Variants in PRSS12 observed in about 807,000 individuals in gnomAD.
PRSS12 encodes the protein serine protease 12.
Under a neutral mutation model 104.4 loss-of-function variants are expected in PRSS12, and 85 were observed. The observed-to-expected ratio is 0.81, with a 90% CI of 0.68 to 0.98. PRSS12 has a LOEUF of 0.98. PRSS12 is among the 50% of genes least tolerant of loss of function. The pLI, the probability that PRSS12 is intolerant of heterozygous loss-of-function variation, is 0.00. For synonymous variants in PRSS12, 454 were observed against 425.2 expected (o/e 1.07, Z -0.83); for missense variants, 1,141 against 1,139.2 (o/e 1.00, Z -0.02).
At chr4:118,332,952 G>A (rs1157914050) in intron 3 of PRSS12, among the ~76,000 whole-genome samples, 5 of 152,272 alleles carry the variant, frequency 3.3e-5, no homozygotes, top group South Asian at 4.1e-4. Flanking sequence ...GCCTAAGGGC[G>A]TCGATAAAAG....
chr4:118,305,164 A>T (rs947638201), intron 8 of PRSS12, among the ~76,000 whole-genome samples: 1 of 150,960 alleles, frequency 6.6e-6, no homozygotes, highest in Non-Finnish European at 1.5e-5. Flanking sequence ...AAATATACAT[A>T]TATGTTCTTA....
intron 8 of PRSS12, among the ~76,000 whole-genome samples, chr4:118,301,572 T>C (rs573955723): frequency 6.6e-6 from 1 of 152,344 alleles, no homozygotes; most frequent in Non-Finnish European, 1.5e-5. Context: ...ATTTAATGTA[T>C]AAATTTATTT....
intron 4 of PRSS12, among the ~76,000 whole-genome samples, chr4:118,321,504 T>G (rs2126036797): frequency 6.6e-6 from 1 of 152,254 alleles, no homozygotes; most frequent in Non-Finnish European, 1.5e-5. Context: ...CCTTCCAGGC[T>G]TAGGATGCAA....
intron 4 of PRSS12, among the ~76,000 whole-genome samples, chr4:118,319,161 G>GCAATC (rs1184003475): frequency 6.6e-6 from 1 of 152,128 alleles, no homozygotes; most frequent in Non-Finnish European, 1.5e-5. Flanking sequence ...CTAGGCTTGA[G>GCAATC]CAATCCTCTC....
chr4:118,308,574 A>G lies in PRSS12; in HGVS notation c.1493T>C (p.Phe498Ser), dbSNP rs759607365. The G allele has an allele frequency of 6.2e-7, 1 of 1,613,970 alleles. No individual in the cohort carries two copies. Among genetic ancestry groups the G allele is most frequent in the South Asian group, 1.1e-5 (1 of 91,084 alleles). ...GGEGHRLSLG[F>S]PVRLMDGENK... The stretch of plus-strand genomic sequence containing the variant: ...TTCTCCATCCATCAGTCTGACAGGA[A>G]AACCTAAGTCATGATTCAAAAGTAT... The change falls in exon 8 of 13, where the codon TTT becomes TCT. Residue 498 changes from phenylalanine to serine, a missense_variant. Phe to Ser is a radical substitution (Grantham distance 155). Coordinates refer to ENST00000296498, the MANE Select transcript of PRSS12 (RefSeq NM_003619.4).
intron 1 of PRSS12, among the ~76,000 whole-genome samples, chr4:118,350,173 C>G (rs1015845899): frequency 6.6e-5 from 10 of 152,188 alleles, no homozygotes; most frequent in African/African-American, 2.4e-4. Flanking sequence ...AATTAATTTA[C>G]TCAAAACTTG....
chr4:118,301,578 T>C (rs963773865), intron 8 of PRSS12, among the ~76,000 whole-genome samples: 5 of 152,328 alleles, frequency 3.3e-5, no homozygotes, highest in African/African-American at 1.2e-4. Flanking sequence ...TGTATAAATT[T>C]ATTTCTATTT....
intron 11 of PRSS12, among the ~76,000 whole-genome samples, chr4:118,291,448 GTCC>G (rs1419256435): frequency 5.9e-5 from 9 of 152,090 alleles, no homozygotes; most frequent in Non-Finnish European, 1.3e-4. Flanking sequence ...TCTTTGAACT[GTCC>G]TCGTGTCAAA....
chr4:118,325,246 G>C (rs960503522), intron 4 of PRSS12, among the ~76,000 whole-genome samples: 2 of 151,106 alleles, frequency 1.3e-5, no homozygotes, highest in Non-Finnish European at 1.5e-5. Flanking sequence ...TGCGGGATGA[G>C]AGACGTAGGT....
intron 1 of PRSS12, among the ~76,000 whole-genome samples, chr4:118,344,694 G>A (rs1724311317): frequency 6.6e-6 from 1 of 152,148 alleles, no homozygotes; most frequent in Non-Finnish European, 1.5e-5. Context: ...AGTTCAAAAT[G>A]AGAGTGCATC....
intron 3 of PRSS12, among the ~76,000 whole-genome samples, chr4:118,334,849 C>T (rs1724021485): frequency 6.6e-6 from 1 of 152,164 alleles, no homozygotes; most frequent in Non-Finnish European, 1.5e-5. Context: ...CATTAAAATA[C>T]ACCATGGTAC....
intron 8 of PRSS12, among the ~76,000 whole-genome samples, chr4:118,300,134 C>T (rs1019079774): frequency 5.3e-5 from 8 of 152,040 alleles, no homozygotes; most frequent in African/African-American, 1.7e-4. Context: ...CCTCATCCCC[C>T]CAAGTAGCTG....
rs1724560170 is a variant in PRSS12 at position 118,352,797 on chromosome 4, C to T, written c.-77G>A. 1 of 1,559,424 alleles carries T rather than the reference C, an allele frequency of 6.4e-7. No individual in the cohort carries two copies. Among genetic ancestry groups the T allele is most frequent in the African/African-American group, 1.4e-5 (1 of 73,122 alleles). On this transcript the variant is annotated 5_prime_UTR_variant, in exon 1 of 13. Coordinates refer to ENST00000296498, the MANE Select transcript of PRSS12 (RefSeq NM_003619.4). ...AGCGGAGAAGAGGAGGGGGCGGGGGCGGGGCTGCCGCGTCCCTCGAATCCC... is the reference window on the plus strand; with the variant it reads ...AGCGGAGAAGAGGAGGGGGCGGGGGTGGGGCTGCCGCGTCCCTCGAATCCC...
At chr4:118,343,035 G>C (rs1435208738) in intron 1 of PRSS12, among the ~76,000 whole-genome samples, 1 of 152,102 alleles carries the variant, frequency 6.6e-6, no homozygotes, top group Non-Finnish European at 1.5e-5. Flanking sequence ...AGGTAAACTA[G>C]AGAACAGCAG....
chr4:118,301,777 C>A (rs1248383894), intron 8 of PRSS12, among the ~76,000 whole-genome samples: 1 of 152,120 alleles, frequency 6.6e-6, no homozygotes, highest in African/African-American at 2.4e-5. Flanking sequence ...CACAGGCAGA[C>A]GATTGCCTTT....
chr4:118,313,387 G>C lies in PRSS12; in HGVS notation c.1303C>G (p.Gln435Glu), dbSNP rs1743810704. ...TCTTCAAAATGGTTGGCAGATGCTT[G>C]TTTACCATATCTGTGACAATTGAAT... is the stretch of plus-strand genomic sequence containing the variant. ...CRQLGFKYGK[Q>E]ASANHFEEST... The change falls in exon 7 of 13, where the codon CAA becomes GAA. Residue 435 changes from glutamine to glutamate, a missense_variant. Transcript: ENST00000296498. The C allele has an allele frequency of 6.2e-7, 1 of 1,613,982 alleles. No individual in the cohort carries two copies. The highest frequency in any genetic ancestry group is 1.3e-5 in the African/African-American group (1 of 75,016).
chr4:118,286,141 A>G (rs968443414), intron 11 of PRSS12, among the ~76,000 whole-genome samples: 1 of 152,140 alleles, frequency 6.6e-6, no homozygotes, highest in Non-Finnish European at 1.5e-5. Flanking sequence ...AAATTTTTCA[A>G]CCCATCCCTC....
chr4:118,342,076 A>G (rs1282997932), intron 1 of PRSS12, among the ~76,000 whole-genome samples: 1 of 152,174 alleles, frequency 6.6e-6, no homozygotes, highest in Non-Finnish European at 1.5e-5. Flanking sequence ...CAAATCCTCC[A>G]GTAGAAGCTG....
In PRSS12 at chr4:118,299,789, T is replaced by TA. The variant is rs1282867576; in HGVS notation, c.1632-852dup. On this transcript the variant is annotated intron_variant, in intron 8 of 12. Transcript: ENST00000296498. ...TTAAATAAAATAAAATAAAATAAAA[T>TA]AAAATAAATAAAATAAAATAAATAA... is the stretch of plus-strand genomic sequence containing the variant. Among the ~76,000 whole-genome samples the TA allele has an allele frequency of 1.3e-3, 115 of 90,324 alleles. 1 individual carries two copies. The highest frequency in any genetic ancestry group is 2.3e-3 in the Non-Finnish European group (90 of 39,470). 59.3% of individuals were successfully genotyped at this position (90,324 alleles called of 152,430 possible). A position where few individuals can be genotyped will look rare whatever the true frequency, so the allele number is the denominator to read the frequency against.
Sources: gnomAD v4.1 joint callset for allele counts (sites outside exome capture counted in the v4.1 genomes callset) on GRCh38, gnomAD v4.1.1 for gene constraint, MANE v1.5 for transcripts, NCBI Gene and HGNC (gene_info 2026-07-23, HGNC 2026-07-21) for gene names.